Variants in HEXB observed in about 807,000 individuals in gnomAD.
The protein encoded by HEXB is beta-hexosaminidase subunit beta.
Under a neutral mutation model 71.2 loss-of-function variants are expected in HEXB, and 51 were observed. The ratio of observed to expected loss-of-function variants is 0.72; its 90% confidence interval spans 0.57 to 0.90. The LOEUF is 0.90. HEXB is among the 40% of genes least tolerant of loss of function. The pLI, the probability that HEXB is intolerant of heterozygous loss-of-function variation, is 0.00. For synonymous variants in HEXB, 266 were observed against 249.3 expected (o/e 1.07, Z -0.63); for missense variants, 617 against 677.0 (o/e 0.91, Z 0.98).
chr5:74,688,470 G>T (rs1364881255), intron 1 of HEXB, among the ~76,000 whole-genome samples: 1 of 152,016 alleles, frequency 6.6e-6, no homozygotes, highest in African/African-American at 2.4e-5. Flanking sequence ...GAGTAGCTGG[G>T]ATTACAGGCG....
intron 2 of HEXB, among the ~76,000 whole-genome samples, chr5:74,692,890 A>G (rs902949069): frequency 6.6e-6 from 1 of 152,218 alleles, no homozygotes; most frequent in Admixed American, 6.5e-5. Context: ...AAAAGACTAA[A>G]TGACTATTGG....
At chr5:74,667,037 C>G (rs1748444372) in intron 1 of HEXB, among the ~76,000 whole-genome samples, 1 of 152,120 alleles carries the variant, frequency 6.6e-6, no homozygotes, top group Non-Finnish European at 1.5e-5. Flanking sequence ...TTCCTGACAA[C>G]CTTGCTACCA....
chr5:74,706,245 T>C (rs1170511231), intron 6 of HEXB: 1 of 152,210 alleles, frequency 6.6e-6, no homozygotes, highest in African/African-American at 2.4e-5. Flanking sequence ...ATAACCATAA[T>C]ACATGATTGC....
chr5:74,710,508 G>T (rs1243339249), intron 6 of HEXB, among the ~76,000 whole-genome samples: 3 of 152,108 alleles, frequency 2.0e-5, no homozygotes, highest in Non-Finnish European at 4.4e-5. Context: ...GTCCCTGTTT[G>T]CAGATGACAT....
chr5:74,719,576 G>A (rs1749765832), intron 11 of HEXB, among the ~76,000 whole-genome samples: 2 of 152,092 alleles, frequency 1.3e-5, no homozygotes, highest in African/African-American at 2.4e-5. Context: ...AAAACCATAG[G>A]TCTATTAAGA....
intron 1 of HEXB, among the ~76,000 whole-genome samples, chr5:74,651,579 C>T (rs1452382078): frequency 6.6e-6 from 1 of 152,100 alleles, no homozygotes; most frequent in Non-Finnish European, 1.5e-5. Context: ...CATTGGATGC[C>T]TCAAGAAATA....
intron 1 of HEXB, among the ~76,000 whole-genome samples, chr5:74,678,259 T>C (rs1194882950): frequency 6.6e-6 from 1 of 151,688 alleles, no homozygotes; most frequent in African/African-American, 2.4e-5. Context: ...GATCGTGCCA[T>C]TGCACTCCAG....
intron 13 of HEXB, 90 bp downstream of exon 13, chr5:74,720,837 CAA>C (rs1238434725): frequency 9.6e-7 from 1 of 1,038,616 alleles, no homozygotes; most frequent in Admixed American, 1.9e-5. Context: ...TGTTACCTAA[CAA>C]ATAGTAATTA....
chr5:74,690,124 C>T (rs1446159348), intron 2 of HEXB, among the ~76,000 whole-genome samples: 1 of 152,132 alleles, frequency 6.6e-6, no homozygotes, highest in Non-Finnish European at 1.5e-5. Context: ...TTGTAATCTG[C>T]TGTACAATAT....
chr5:74,680,433 G>T (rs1173655309), upstream of HEXB, among the ~76,000 whole-genome samples: 1 of 152,188 alleles, frequency 6.6e-6, no homozygotes, highest in Admixed American at 6.5e-5. Flanking sequence ...TTCACACTAA[G>T]AGGAACTGTA....
Position 74,689,454 on chromosome 5 carries a change from CATATCTTCAGATGAGTCT to C in HEXB, c.427_444del (p.Ile143_Ser148del). 6.2e-7 allele frequency: 1 copy of C among 1,613,482 alleles called. No homozygotes were observed. Among genetic ancestry groups the C allele is most frequent in the Non-Finnish European group, 8.5e-7 (1 of 1,179,400 alleles). On this transcript the variant is annotated inframe_deletion and splice_region_variant, in exon 2 of 14. Coordinates refer to ENST00000261416, the MANE Select transcript of HEXB (RefSeq NM_000521.4). Reference sequence around the variant, plus strand: ...AGTCAGAGTGTGATGCTTTCCCCAACATATCTTCAGATGAGTCTTGTAAGTACCTATGCAATGTGAGTG... The same window carrying C: ...AGTCAGAGTGTGATGCTTTCCCCAACTGTAAGTACCTATGCAATGTGAGTG...
chr5:74,651,843 T>C (rs897046337), intron 1 of HEXB, among the ~76,000 whole-genome samples: 3 of 152,242 alleles, frequency 2.0e-5, no homozygotes, highest in African/African-American at 7.2e-5. Context: ...TTGGTCTGTA[T>C]GCCTTGGTGC....
chr5:74,708,652 T>A lies in HEXB; in HGVS notation c.771+3332T>A, dbSNP rs552751340. On this transcript the variant is annotated intron_variant, in intron 6 of 13. Transcript: ENST00000261416. ...CAGGGGTTGCAATCCTAGTCTCTGA[T>A]AAAACAGACTTTTAAACCAACAAAG... Among the ~76,000 whole-genome samples the A allele has an allele frequency of 1.8e-4, 27 of 152,092 alleles. No homozygotes were observed. The South Asian group carries it at 4.2e-3, about 23-fold the overall frequency.
At chr5:74,719,209 T>C (rs1349463409) in intron 11 of HEXB, among the ~76,000 whole-genome samples, 2 of 152,216 alleles carry the variant, frequency 1.3e-5, no homozygotes, top group African/African-American at 4.8e-5. Flanking sequence ...ATTCAAGAAC[T>C]TCAAAAGTAT....
At chr5:74,705,341 T>C in intron 6 of HEXB, 21 bp downstream of exon 6, 1 of 1,266,284 alleles carries the variant, frequency 7.9e-7, no homozygotes, top group South Asian at 1.2e-5. Context: ...TGTATTGTAC[T>C]CTGTCTACAA....
intron 1 of HEXB, among the ~76,000 whole-genome samples, chr5:74,664,430 T>TAAAAAAA (rs397998152): frequency 2.5e-5 from 2 of 79,634 alleles, no homozygotes; most frequent in African/African-American, 9.3e-5. Context: ...ATTCTATCTC[T>TAAAAAAA]AAAAAAAAAA....
upstream of HEXB, among the ~76,000 whole-genome samples, chr5:74,682,047 T>G (rs1748747260): frequency 1.3e-5 from 2 of 152,212 alleles, no homozygotes; most frequent in Admixed American, 1.3e-4. Context: ...CCAACAGCCA[T>G]GCAAGTTAAC....
intron 6 of HEXB, among the ~76,000 whole-genome samples, chr5:74,711,459 T>C (rs1266033446): frequency 1.3e-5 from 2 of 152,086 alleles, no homozygotes; most frequent in East Asian, 3.9e-4. Flanking sequence ...CTAAAGAGCT[T>C]CTGCACAGGA....
upstream of HEXB, among the ~76,000 whole-genome samples, chr5:74,682,730 C>T (rs941344771): frequency 2.0e-5 from 3 of 152,150 alleles, no homozygotes; most frequent in Admixed American, 6.5e-5. Context: ...TTATATTTGT[C>T]TTAATTATAA....
Sources: gnomAD v4.1 joint callset for allele counts (sites outside exome capture counted in the v4.1 genomes callset) on GRCh38, gnomAD v4.1.1 for gene constraint, MANE v1.5 for transcripts, NCBI Gene and HGNC (gene_info 2026-07-23, HGNC 2026-07-21) for gene names.